ANO6: variants seen among roughly 807,000 people sequenced by gnomAD.
The protein encoded by ANO6 is anoctamin-6.
Under a neutral mutation model 117.5 loss-of-function variants are expected in ANO6, and 106 were observed. The ratio of observed to expected loss-of-function variants is 0.90; its 90% CI spans 0.77 to 1.06. ANO6 has a LOEUF of 1.06. Ranked by LOEUF, ANO6 falls within the 50% of genes least tolerant of loss-of-function variation. The pLI, the probability that ANO6 is intolerant of heterozygous loss-of-function variation, is 0.00. For synonymous variants in ANO6, 367 were observed against 385.1 expected (o/e 0.95, Z 0.55); for missense variants, 955 against 1,121.1 (o/e 0.85, Z 2.12).
chr12:45,400,434 G>A (rs1942753135), intron 12 of ANO6, among the ~76,000 whole-genome samples: 1 of 152,112 alleles, frequency 6.6e-6, no homozygotes. Flanking sequence ...AGACTTAACT[G>A]CGAAAGGAAA....
In ANO6 at chr12:45,346,762, C is replaced by G. The variant is rs929310006; in HGVS notation, c.280-260C>G. On this transcript the variant is annotated intron_variant, in intron 3 of 19. Coordinates refer to ENST00000320560, the MANE Select transcript of ANO6 (RefSeq NM_001025356.3). Reference sequence around the variant, plus strand: ...TTTACCTCAGATGACTGAAACCACACCAGGACAGCCAAGGGCCTTCCAGGG... The same window carrying G: ...TTTACCTCAGATGACTGAAACCACAGCAGGACAGCCAAGGGCCTTCCAGGG... 6.6e-5 allele frequency among the ~76,000 whole-genome samples: 10 copies of G among 152,118 alleles called. No homozygotes were observed. In the South Asian group the frequency reaches 2.1e-3, roughly 32 times the overall value.
At chr12:45,348,458 A>G in intron 5 of ANO6, 60 bp from the exon 6 acceptor site, 2 of 1,545,892 alleles carry the variant, frequency 1.3e-6, no homozygotes, top group South Asian at 2.2e-5. Flanking sequence ...GTAGTAAACA[A>G]TGATTGGATT....
intron 1 of ANO6, among the ~76,000 whole-genome samples, chr12:45,281,928 A>G (rs114420158): frequency 0.014 from 2,074 of 152,288 alleles, 36 homozygotes; most frequent in African/African-American, 0.042. Context: ...GCGGGCGGTC[A>G]GGAGGTTGGT....
intron 2 of ANO6, among the ~76,000 whole-genome samples, chr12:45,329,217 G>A (rs527815188): frequency 8.1e-4 from 124 of 152,198 alleles, no homozygotes; most frequent in Non-Finnish European, 1.5e-3. Flanking sequence ...GGCCAGTTCC[G>A]TTATTTGTTA....
chr12:45,248,654 G>A (rs551537042), intron 1 of ANO6, among the ~76,000 whole-genome samples: 8 of 152,174 alleles, frequency 5.3e-5, no homozygotes, highest in Admixed American at 2.0e-4. Flanking sequence ...GGCTGGTCTC[G>A]TGACCCGCCC....
intron 1 of ANO6, among the ~76,000 whole-genome samples, chr12:45,282,651 T>C (rs1364673900): frequency 6.6e-6 from 1 of 152,212 alleles, no homozygotes; most frequent in Non-Finnish European, 1.5e-5. Flanking sequence ...ACTTTGACCT[T>C]ATCAGTAGTA....
chr12:45,221,065 G>GC (rs200126870), intron 1 of ANO6, among the ~76,000 whole-genome samples: 475 of 151,764 alleles, frequency 3.1e-3, no homozygotes, highest in African/African-American at 9.2e-3. Flanking sequence ...GAAGTGGGGG[G>GC]GGGCAGCCTT....
intron 2 of ANO6, among the ~76,000 whole-genome samples, chr12:45,320,595 G>C (rs975983061): frequency 6.6e-6 from 1 of 152,182 alleles, no homozygotes; most frequent in Admixed American, 6.5e-5. Flanking sequence ...TGTATATTCT[G>C]TTGATTTGGG....
intron 9 of ANO6, among the ~76,000 whole-genome samples, chr12:45,376,689 C>G (rs1051869689): frequency 8.3e-6 from 1 of 120,990 alleles, no homozygotes; most frequent in Non-Finnish European, 1.6e-5. Flanking sequence ...ACATCACACT[C>G]TGGGGACTGT....
In ANO6 at chr12:45,429,199, C is replaced by T. The variant is rs746753025; in HGVS notation, c.2621C>T (p.Thr874Ile). The change falls in exon 20 of 20, where the codon ACC (threonine) becomes ATC (isoleucine). Residue 874 changes from threonine (T) to isoleucine (I), a missense_variant. Transcript: ENST00000320560. Reference protein sequence around the residue: ...KSKIQREKYLTQKLLHENHLK... With the variant: ...KSKIQREKYLIQKLLHENHLK... Reference sequence around the variant, plus strand: ...AAGATCCAGAGAGAAAAATACCTAACCCAAAAGCTTCTTCATGAGAATCAC... The same window carrying T: ...AAGATCCAGAGAGAAAAATACCTAATCCAAAAGCTTCTTCATGAGAATCAC... 36 of 1,613,752 alleles carry T rather than the reference C, an allele frequency of 2.2e-5. No homozygotes were observed. In the Admixed American group the frequency reaches 5.8e-4, roughly 26 times the overall value.
At chr12:45,244,194 C>T (rs1947787611) in intron 1 of ANO6, among the ~76,000 whole-genome samples, 1 of 152,008 alleles carries the variant, frequency 6.6e-6, no homozygotes, top group African/African-American at 2.4e-5. Flanking sequence ...TTTGTTGTAA[C>T]CAAAAGAAGA....
At chr12:45,240,449 C>T (rs12580208) in intron 1 of ANO6, among the ~76,000 whole-genome samples, 2,123 of 137,224 alleles carry the variant, frequency 0.015, 42 homozygotes, top group East Asian at 0.08. Flanking sequence ...TGTGTCTCTG[C>T]ACTTGAGATG....
chr12:45,261,656 A>G (rs1275079871), intron 1 of ANO6, among the ~76,000 whole-genome samples: 2 of 152,188 alleles, frequency 1.3e-5, no homozygotes, highest in African/African-American at 2.4e-5. Flanking sequence ...GTGTTTATTG[A>G]GGCCATTTGG....
At chr12:45,407,765 G>A (rs1446629639) in intron 15 of ANO6, among the ~76,000 whole-genome samples, 2 of 152,098 alleles carry the variant, frequency 1.3e-5, no homozygotes, top group African/African-American at 4.8e-5. Context: ...TGCTACATCC[G>A]TTACCTATTT....
intron 3 of ANO6, among the ~76,000 whole-genome samples, chr12:45,334,947 A>C (rs1372261135): frequency 1.3e-5 from 2 of 151,992 alleles, no homozygotes; most frequent in African/African-American, 4.8e-5. Context: ...GCTTGCCTTC[A>C]AACCGATGTG....
At chr12:45,304,254 C>T (rs1419470823) in intron 2 of ANO6, among the ~76,000 whole-genome samples, 2 of 152,134 alleles carry the variant, frequency 1.3e-5, no homozygotes, top group African/African-American at 4.8e-5. Context: ...AGGAATCAAG[C>T]ATTATATTTA....
At position 45,294,192 on chromosome 12, in the gene ANO6, G is replaced by A. The variant is rs1186543451; in HGVS notation, c.71-7822G>A. The stretch of plus-strand genomic sequence containing the variant: ...AAGAGAAAGGTCAAGAATGGCTCCC[G>A]CTTTTGGATTGGGGAATTGAACTGA... On this transcript the variant is annotated intron_variant, in intron 1 of 19. Coordinates refer to ENST00000320560, the MANE Select transcript of ANO6 (RefSeq NM_001025356.3). 3.3e-5 allele frequency among the ~76,000 whole-genome samples: 5 copies of A among 152,152 alleles called. No individual in the cohort carries two copies. The South Asian group carries it at 8.3e-4, about 25-fold the overall frequency.
intron 15 of ANO6, among the ~76,000 whole-genome samples, chr12:45,406,568 A>G (rs970386921): frequency 1.2e-4 from 18 of 152,112 alleles, no homozygotes; most frequent in African/African-American, 3.6e-4. Context: ...GCCTCTTCTT[A>G]TATAAATAAG....
In ANO6 at chr12:45,223,122, C is replaced by T. The variant is rs112891315; in HGVS notation, c.70+6731C>T. ...TTATCTTTTATAATAAACTGGTAAACGGGAAGTGTTTCCCTGAGTTCCCCA... is the reference window on the plus strand; with the variant it reads ...TTATCTTTTATAATAAACTGGTAAATGGGAAGTGTTTCCCTGAGTTCCCCA... On this transcript the variant is annotated intron_variant, in intron 1 of 19. Transcript: ENST00000320560. 6.3e-3 allele frequency among the ~76,000 whole-genome samples: 960 copies of T among 152,284 alleles called. 13 individuals are homozygous for T. The highest frequency in any genetic ancestry group is 0.022 in the African/African-American group (918 of 41,558).
Sources: allele counts gnomAD v4.1 joint callset (sites outside exome capture counted in the v4.1 genomes callset), GRCh38; gene constraint gnomAD v4.1.1; transcripts MANE v1.5; gene names NCBI Gene and HGNC (gene_info 2026-07-23, HGNC 2026-07-21).